The following BDH1 variants were observed in gnomAD, a reference collection of about 807,000 sequenced individuals.
BDH1 encodes the protein D-beta-hydroxybutyrate dehydrogenase, mitochondrial.
Under a neutral mutation model 33.1 loss-of-function variants are expected in BDH1, and 30 were observed. The observed-to-expected ratio is 0.91, with a 90% CI of 0.68 to 1.23. The LOEUF (loss-of-function observed/expected upper bound fraction) is 1.23. Ranked by LOEUF, BDH1 falls within the 50% of genes most tolerant of loss-of-function variation. BDH1 has a pLI of 0.00. For synonymous variants in BDH1, 190 were observed against 183.6 expected, an observed-to-expected ratio of 1.03 and a Z score of -0.28; for missense variants, 443 against 464.4, an observed-to-expected ratio of 0.95 and a Z score of 0.42.
rs62282547 is a variant in BDH1, at chr3:197,522,344, C to T, written c.409+296G>A. On this transcript the variant is annotated intron_variant, in intron 6 of 7. Coordinates refer to ENST00000392379, the MANE Select transcript of BDH1 (RefSeq NM_203314.3). The surrounding 1 kb of genome is among the most constrained non-coding windows in gnomAD (Gnocchi z 4.8). The stretch of plus-strand genomic sequence containing the variant: ...CATCTTTGTGTCCCTGGCACCCAAC[C>T]CAGCTCCTGGGCCAGAGGGGGCATC... 0.017 allele frequency among the ~76,000 whole-genome samples: 2,534 copies of T among 152,258 alleles called. 36 individuals carry two copies. Among genetic ancestry groups the T allele is most frequent in the Non-Finnish European group, 0.027 (1,839 of 68,024 alleles).
At chr3:197,519,770 T>C (rs1343081745) in intron 6 of BDH1, among the ~76,000 whole-genome samples, 1 of 152,028 alleles carries the variant, frequency 6.6e-6, no homozygotes, top group Non-Finnish European at 1.5e-5. Flanking sequence ...TGGCTCGGTG[T>C]CCCCTGGGGT....
At chr3:197,549,123 T>C (rs1716341931) in intron 2 of BDH1, among the ~76,000 whole-genome samples, 1 of 152,148 alleles carries the variant, frequency 6.6e-6, no homozygotes, top group Non-Finnish European at 1.5e-5. Context: ...AGGCGGGTGC[T>C]CAGTCTCCTC....
chr3:197,550,826 G>A (rs2108763537), intron 2 of BDH1, among the ~76,000 whole-genome samples: 1 of 152,330 alleles, frequency 6.6e-6, no homozygotes. Flanking sequence ...GCCATGCTGT[G>A]CCTTTACAGT....
chr3:197,546,196 A>T, intron 3 of BDH1, 165 bp downstream of exon 3: 1 of 628,570 alleles, frequency 1.6e-6, no homozygotes, highest in South Asian at 2.3e-5. Flanking sequence ...GCCCTGGGAA[A>T]ATGTCTTCCC....
chr3:197,514,351 C>T lies in BDH1; in HGVS notation c.475G>A (p.Glu159Lys), dbSNP rs1476787555. 3 of 1,613,688 alleles carry T rather than the reference C, an allele frequency of 1.9e-6. No individual in the cohort carries two copies. Among genetic ancestry groups the T allele is most frequent in the South Asian group, 2.2e-5 (2 of 90,996 alleles). The stretch of plus-strand genomic sequence containing the variant: ...ACTTCTGCCACCTGCTTGTAGGTCT[C>T]CAGGCTGGTGAACTCCACCTCCCCG... ...TFGEVEFTSL[E>K]TYKQVAEVNL... The change falls in exon 7 of 8, where the codon GAG becomes AAG. Residue 159 changes from glutamate to lysine, a missense_variant. Physicochemically the swap from Glu to Lys is moderately conservative, Grantham distance 56 (BLOSUM62 1). Transcript: ENST00000392379. This position sits in a 1 kb window ranked among gnomAD's most constrained non-coding sequence, Gnocchi z 4.2.
chr3:197,566,044 T>A (rs1038777622), intron 1 of BDH1, among the ~76,000 whole-genome samples: 1 of 152,268 alleles, frequency 6.6e-6, no homozygotes, highest in African/African-American at 2.4e-5. Context: ...TTAAGCTATT[T>A]ACAGCTTTTA....
In BDH1 at chr3:197,510,177, C is replaced by A. The variant is rs1382078574; in HGVS notation, c.*1718G>T. 1 of 152,328 alleles carries A rather than the reference C, an allele frequency of 6.6e-6. No individual in the cohort carries two copies. Among genetic ancestry groups the A allele is most frequent in the Non-Finnish European group, 1.5e-5 (1 of 68,090 alleles). 9.4% of individuals were successfully genotyped at this position (152,328 alleles called of 1,614,324 possible). On this transcript the variant is annotated 3_prime_UTR_variant, in exon 8 of 8. Transcript: ENST00000392379. ...GCCAGCTGCTAGGAGAGCGAGAACA[C>A]TGTTTCTGAAGGGTGCTGCTTGCTT...
intron 1 of BDH1, among the ~76,000 whole-genome samples, chr3:197,562,857 G>T (rs1269386373): frequency 6.6e-6 from 1 of 152,108 alleles, no homozygotes; most frequent in Non-Finnish European, 1.5e-5. Context: ...ACCTCTATTT[G>T]CCAGAGTAAA....
At chr3:197,535,403 CA>C (rs1288499245) in intron 3 of BDH1, among the ~76,000 whole-genome samples, 2 of 152,144 alleles carry the variant, frequency 1.3e-5, no homozygotes, top group Non-Finnish European at 2.9e-5. Context: ...ACTGCAGGGG[CA>C]AAAGTATTTC....
At chr3:197,548,138 G>A (rs374419311) in intron 2 of BDH1, among the ~76,000 whole-genome samples, 1 of 152,232 alleles carries the variant, frequency 6.6e-6, no homozygotes, top group Non-Finnish European at 1.5e-5. Flanking sequence ...GGGCAGTCTG[G>A]GGGTGGAAAG....
chr3:197,558,170 C>T (rs1285717991), upstream of BDH1, among the ~76,000 whole-genome samples: 1 of 152,232 alleles, frequency 6.6e-6, no homozygotes, highest in African/African-American at 2.4e-5. Context: ...CCCAGCTTTG[C>T]TGTGACAACC....
In BDH1 at chr3:197,523,275, T is replaced by A. The variant is rs959860705; in HGVS notation, c.268-494A>T. The A allele has an allele frequency of 6.6e-6, 1 of 152,546 alleles. No homozygotes were observed. Among genetic ancestry groups the A allele is most frequent in the Non-Finnish European group, 1.5e-5 (1 of 68,844 alleles). The allele number at this position is 152,546 out of a possible 1,614,324, so 9.4% of individuals were successfully genotyped here. ...GGCCAAAGCACGTCCACAGGCCACA[T>A]AGGACCAGCAGGCTGCCAGTTTGCC... On this transcript the variant is annotated intron_variant, in intron 5 of 7. Coordinates refer to ENST00000392379, the MANE Select transcript of BDH1 (RefSeq NM_203314.3). The surrounding 1 kb of genome is among the most constrained non-coding windows in gnomAD (Gnocchi z 4.5).
intron 5 of BDH1, among the ~76,000 whole-genome samples, chr3:197,524,971 G>A (rs142768590): frequency 2.4e-3 from 373 of 152,270 alleles, no homozygotes; most frequent in African/African-American, 8.1e-3. Flanking sequence ...GGATGCCTTC[G>A]GACACAGCAG....
rs186149990 is a variant in BDH1 at position 197,510,614 on chromosome 3, G to C, written c.*1281C>G. On this transcript the variant is annotated 3_prime_UTR_variant, in exon 8 of 8. Transcript: ENST00000392379. Reference sequence around the variant, plus strand: ...GCAGAACAGGGGTGTGTGTGTGTGTGTGTGTGTGTGTGTGTGTGTGTGTGT... The same window carrying C: ...GCAGAACAGGGGTGTGTGTGTGTGTCTGTGTGTGTGTGTGTGTGTGTGTGT... 0.085 allele frequency: 3,063 copies of C among 36,010 alleles called. 73 individuals are homozygous for C. Among genetic ancestry groups the C allele is most frequent in the African/African-American group, 0.22 (1,404 of 6,278 alleles). The allele number at this position is 36,010 out of a possible 1,614,324, so 2.2% of individuals were successfully genotyped here. A position where few individuals can be genotyped will look rare whatever the true frequency, so the allele number is the denominator to read the frequency against.
chr3:197,517,272 C>A, intron 6 of BDH1, among the ~76,000 whole-genome samples: 1 of 101,660 alleles, frequency 9.8e-6, no homozygotes, highest in Non-Finnish European at 2.0e-5. Flanking sequence ...ATTTCCTGCT[C>A]TATGGTCTCC....
upstream of BDH1, among the ~76,000 whole-genome samples, chr3:197,557,446 A>G (rs1335390121): frequency 6.6e-6 from 1 of 152,216 alleles, no homozygotes; most frequent in African/African-American, 2.4e-5. The surrounding 1 kb of genome is among the most constrained non-coding windows in gnomAD (Gnocchi z 4.6). Context: ...CATGATGAAG[A>G]TTTAAAGAAA....
rs750046707 is a variant in BDH1 at position 197,512,015 on chromosome 3, G to A, written c.912C>T (p.His304=). Residue 304 remains histidine, a synonymous_variant, in exon 8 of 8, where the codon CAC becomes CAT. Coordinates refer to ENST00000392379, the MANE Select transcript of BDH1 (RefSeq NM_203314.3). ...TGTAGGGGGTGGTGGCGGTCAGGGC[G>A]TGTGTGACAGCATCGATGACAGGGG... is the stretch of plus-strand genomic sequence containing the variant. The part of the protein sequence containing the change: ...DTSPVIDAVT[H]ALTATTPYTR... The A allele has an allele frequency of 2.7e-5, 43 of 1,613,932 alleles. No homozygotes were observed. Among genetic ancestry groups the A allele is most frequent in the Non-Finnish European group, 3.5e-5 (41 of 1,180,008 alleles).
intron 5 of BDH1, 56 bp downstream of exon 5, chr3:197,532,356 A>T (rs1233486217): frequency 3.3e-6 from 5 of 1,507,628 alleles, no homozygotes; most frequent in Non-Finnish European, 4.6e-6. Context: ...TTAAAAGACT[A>T]AAAAACAATG....
Position 197,522,581 on chromosome 3 carries a change from G to T in BDH1, c.409+59C>A. On this transcript the variant is annotated intron_variant, in intron 6 of 7. Coordinates refer to ENST00000392379, the MANE Select transcript of BDH1 (RefSeq NM_203314.3). This position sits in a 1 kb window ranked among gnomAD's most constrained non-coding sequence, Gnocchi z 4.8. ...GCCAGCCAGTGGAAGGTGGTGTTCG[G>T]CAAGTGCCCCTTGGAATGGCCCCAT... The T allele has an allele frequency of 6.2e-7, 1 of 1,600,452 alleles. No homozygotes were observed. Among genetic ancestry groups the T allele is most frequent in the Non-Finnish European group, 8.5e-7 (1 of 1,173,148 alleles).
Sources: gnomAD v4.1 joint callset for allele counts (sites outside exome capture counted in the v4.1 genomes callset) on GRCh38, gnomAD v4.1.1 for gene constraint, Gnocchi (gnomAD v3.1) non-coding constraint, MANE v1.5 for transcripts, NCBI Gene and HGNC (gene_info 2026-07-23, HGNC 2026-07-21) for gene names.